The following GTPBP6 variants were observed in gnomAD, a reference collection of about 807,000 sequenced individuals.
The protein encoded by GTPBP6 is GTP binding protein 6.
GTPBP6 carries 33 observed loss-of-function variants against 28.9 expected under a neutral mutation model. That is an observed-to-expected ratio of 1.14 (90% CI 0.87 to 1.53). GTPBP6 has a LOEUF of 1.53. Ranked by LOEUF, GTPBP6 falls within the 40% of genes most tolerant of loss-of-function variation. The pLI is 0.00. For synonymous variants in GTPBP6, 231 were observed against 192.7 expected (o/e 1.20, Z -1.65); for missense variants, 507 against 408.3 (o/e 1.24, Z -2.08).
At chrX:311,582 T>G (rs377573081) in exon 7 of GTPBP6, 4 of 1,612,196 alleles carry the variant, frequency 2.5e-6, no homozygotes, top group African/African-American at 1.3e-5. Context: ...GTCCCGTGGC[T>G]GGATGGCGGC....
exon 3 of GTPBP6, chrX:315,295 C>A (rs2070409205): frequency 5.0e-6 from 2 of 398,514 alleles, no homozygotes; most frequent in Non-Finnish European, 8.8e-6. Flanking sequence ...ACCCTCGGAT[C>A]TTTTCTAACA....
chrX:308,732 C>CTTTTT (rs1164566238), intron 7 of GTPBP6, among the ~76,000 whole-genome samples: 1 of 109,490 alleles, frequency 9.1e-6, no homozygotes, highest in Admixed American at 1.1e-4. Flanking sequence ...GAAAGTTTTA[C>CTTTTT]TTTTTTTTTT....
chrX:318,559 C>T lies in GTPBP6; in HGVS notation c.229G>A (p.Asp77Asn), dbSNP rs1166478469. 8 of 398,486 alleles carry T rather than the reference C, an allele frequency of 2.0e-5. No individual in the cohort carries two copies. In the South Asian group the frequency reaches 7.6e-4, roughly 38 times the overall value. The allele number at this position is 398,486 out of a possible 1,614,324, so 24.7% of individuals were successfully genotyped here. A position where few individuals can be genotyped will look rare whatever the true frequency, so the allele number is the denominator to read the frequency against. The change falls in exon 1 of 10, where the codon GAC becomes AAC. Residue 77 changes from aspartate (D) to asparagine (N), a missense_variant. Physicochemically the swap from Asp to Asn is conservative, Grantham distance 23. Transcript: ENST00000326153. ...AGCAGCTCCTCCTCGGCGTTCTCGTCCGCATCTTCCGGCTCCTCCTCGTCG... is the reference window on the plus strand; with the variant it reads ...AGCAGCTCCTCCTCGGCGTTCTCGTTCGCATCTTCCGGCTCCTCCTCGTCG...
intron 7 of GTPBP6, among the ~76,000 whole-genome samples, chrX:308,969 C>T (rs1398974733): frequency 1.3e-5 from 2 of 152,068 alleles, no homozygotes; most frequent in Non-Finnish European, 2.9e-5. Flanking sequence ...AAGTGATCCA[C>T]CCGCCTCAAC....
chrX:311,800 G>A, intron 6 of GTPBP6, 173 bp from the exon 7 acceptor site: 2 of 629,190 alleles, frequency 3.2e-6, no homozygotes, highest in Non-Finnish European at 5.7e-6. Flanking sequence ...GTGGGACAAA[G>A]CCACCGTCGC....
intron 2 of GTPBP6, among the ~76,000 whole-genome samples, chrX:316,538 G>T (rs1200945866): frequency 6.6e-6 from 1 of 152,162 alleles, no homozygotes; most frequent in African/African-American, 2.4e-5. Flanking sequence ...AGGATCGCAT[G>T]CTGGACCCCA....
intron 7 of GTPBP6, among the ~76,000 whole-genome samples, chrX:309,225 C>T (rs980165887): frequency 9.2e-5 from 14 of 152,120 alleles, no homozygotes; most frequent in African/African-American, 2.2e-4. Context: ...AATATTTCCC[C>T]GTGCTCTTCA....
intron 5 of GTPBP6, 91 bp downstream of exon 5, chrX:314,059 C>G (rs2070375021): frequency 4.0e-6 from 4 of 990,572 alleles, no homozygotes; most frequent in Middle Eastern, 2.8e-4. Context: ...GGACCCCACC[C>G]TGTTGGAATC....
chrX:317,329 T>C, intron 1 of GTPBP6, among the ~76,000 whole-genome samples: 1 of 149,886 alleles, frequency 6.7e-6, no homozygotes, highest in Admixed American at 6.6e-5. Flanking sequence ...GAGCTGCGGG[T>C]GCTCAGGGGA....
At chrX:309,028 A>G (rs1379579757) in intron 7 of GTPBP6, among the ~76,000 whole-genome samples, 3 of 152,016 alleles carry the variant, frequency 2.0e-5, no homozygotes, top group Non-Finnish European at 4.4e-5. Context: ...CCCGGTCCAT[A>G]ATTTATTGTC....
chrX:309,546 A>T (rs2070241700), intron 7 of GTPBP6, among the ~76,000 whole-genome samples: 1 of 152,202 alleles, frequency 6.6e-6, no homozygotes, highest in African/African-American at 2.4e-5. Flanking sequence ...TGTAGTTAAG[A>T]TGAGGTTACC....
intron 6 of GTPBP6, 152 bp downstream of exon 6, chrX:312,614 G>A (rs1423998173): frequency 6.2e-6 from 5 of 803,804 alleles, no homozygotes; most frequent in East Asian, 5.3e-5. Flanking sequence ...ACCCCACACG[G>A]CGACCATGGG....
At chrX:304,981 G>C in exon 10 of GTPBP6, 1 of 1,545,842 alleles carries the variant, frequency 6.5e-7, no homozygotes, top group African/African-American at 1.4e-5. Context: ...GGACCCTGCT[G>C]CACCTGACAC....
At chrX:314,120 C>G (rs1447551224) in intron 5 of GTPBP6, 30 bp downstream of exon 5, 1 of 1,578,344 alleles carries the variant, frequency 6.3e-7, no homozygotes, top group Non-Finnish European at 8.7e-7. Flanking sequence ...TCCGAGGACC[C>G]TCTGGGACGC....
At chrX:312,560 A>G (rs1369770695) in intron 6 of GTPBP6, 6 of 705,112 alleles carry the variant, frequency 8.5e-6, no homozygotes, top group Non-Finnish European at 1.5e-5. Flanking sequence ...CACAGAGACC[A>G]CAGGAAACCC....
At chrX:312,573 C>G (rs1401741957) in intron 6 of GTPBP6, 193 bp downstream of exon 6, 1 of 714,038 alleles carries the variant, frequency 1.4e-6, no homozygotes, top group South Asian at 1.5e-5. Flanking sequence ...GGAAACCCGT[C>G]TCCTGGGTGA....
intron 7 of GTPBP6, among the ~76,000 whole-genome samples, chrX:308,644 C>T (rs747412421): frequency 2.6e-5 from 4 of 151,202 alleles, no homozygotes; most frequent in East Asian, 3.9e-4. Flanking sequence ...CATACCACTG[C>T]GGTTCAGTCT....
chrX:318,646 CCA>C lies in GTPBP6; in HGVS notation c.140_141del (p.Leu47ArgfsTer57), dbSNP rs1319258504. On this transcript the variant is annotated frameshift_variant, in exon 1 of 10. Coordinates refer to ENST00000326153, the Ensembl canonical transcript of GTPBP6. LOFTEE classifies it high-confidence loss of function. ...CCCCGCCCTCCGCCCCACGGCCCCT[CCA>C]GATTCCCGGGGCTCCTGCGGCCGAC... 2.5e-6 allele frequency: 1 copy of C among 397,408 alleles called. No homozygotes were observed. Among genetic ancestry groups the C allele is most frequent in the Non-Finnish European group, 4.4e-6 (1 of 225,444 alleles). 24.6% of individuals were successfully genotyped at this position (397,408 alleles called of 1,614,324 possible).
chrX:314,938 G>T, exon 4 of GTPBP6: 1 of 398,730 alleles, frequency 2.5e-6, no homozygotes, highest in East Asian at 3.6e-5. Flanking sequence ...GGCCTCCTTC[G>T]TGCGGGCGTT....
Sources: gnomAD v4.1 joint callset for allele counts (sites outside exome capture counted in the v4.1 genomes callset) on GRCh38, gnomAD v4.1.1 for gene constraint, MANE v1.5 for transcripts, NCBI Gene and HGNC (gene_info 2026-07-23, HGNC 2026-07-21) for gene names.